GNG4: variants seen among roughly 807,000 people sequenced by gnomAD.
GNG4 encodes the protein G protein subunit gamma 4.
GNG4 carries 4 observed loss-of-function variants against 5.8 expected under a neutral mutation model. The ratio of observed to expected loss-of-function variants is 0.69; its 90% CI spans 0.34 to 1.57. The LOEUF is 1.57. Among genes scored for constraint, GNG4 ranks in the 40% most tolerant of loss-of-function variants. GNG4 has a pLI of 0.06. For synonymous variants in GNG4, 29 were observed against 32.9 expected, an observed-to-expected ratio of 0.88 and a Z score of 0.41; for missense variants, 96 against 95.1, an observed-to-expected ratio of 1.01 and a Z score of -0.04.
At chr1:235,568,700 G>A (rs1687263578) in intron 3 of GNG4, among the ~76,000 whole-genome samples, 1 of 152,118 alleles carries the variant, frequency 6.6e-6, no homozygotes, top group Admixed American at 6.6e-5. Context: ...CTTTGTGGGT[G>A]AGGCACTGTA....
intron 1 of GNG4, among the ~76,000 whole-genome samples, chr1:235,603,261 TTAA>T (rs150938328): frequency 0.25 from 37,128 of 147,466 alleles, 5,074 homozygotes; most frequent in South Asian, 0.32. Flanking sequence ...ATAATAATAA[TTAA>T]TAATAATAAT....
At chr1:235,555,698 T>G (rs1572607365) in intron 3 of GNG4, among the ~76,000 whole-genome samples, 1 of 134,560 alleles carries the variant, frequency 7.4e-6, no homozygotes, top group African/African-American at 2.8e-5. Flanking sequence ...AAAAAAAAAG[T>G]AGAATTCCTT....
rs1318247249 is a variant in GNG4, at chr1:235,571,490, G to A, written c.99+12250C>T. Among the ~76,000 whole-genome samples the A allele has an allele frequency of 3.3e-5, 5 of 152,300 alleles. No homozygotes were observed. In the East Asian group the frequency reaches 5.8e-4, roughly 18 times the overall value. Reference sequence around the variant, plus strand: ...ATTAAGCACTCAGTAAATGTTGGCCGCTATTATTATCATCTGTTACATTTG... The same window carrying A: ...ATTAAGCACTCAGTAAATGTTGGCCACTATTATTATCATCTGTTACATTTG... On this transcript the variant is annotated intron_variant, in intron 3 of 3. Coordinates refer to ENST00000391854, the MANE Select transcript of GNG4 (RefSeq NM_001098722.2).
intron 1 of GNG4, among the ~76,000 whole-genome samples, chr1:235,647,647 T>A (rs1288760285): frequency 6.6e-6 from 1 of 152,174 alleles, no homozygotes; most frequent in East Asian, 1.9e-4. Flanking sequence ...TCAGGGTCCA[T>A]GTTCCCACCT....
At chr1:235,637,147 G>A (rs1657123959) in intron 1 of GNG4, among the ~76,000 whole-genome samples, 1 of 151,946 alleles carries the variant, frequency 6.6e-6, no homozygotes, top group Non-Finnish European at 1.5e-5. Flanking sequence ...ACTGAAAAAT[G>A]CTAATCAAAT....
At chr1:235,593,251 C>T (rs1225726604) in intron 2 of GNG4, among the ~76,000 whole-genome samples, 1 of 152,174 alleles carries the variant, frequency 6.6e-6, no homozygotes, top group Non-Finnish European at 1.5e-5. Flanking sequence ...TCCGACCATG[C>T]TCTGTAAAAT....
chr1:235,625,447 G>T lies in GNG4; in HGVS notation c.-123+24215C>A, dbSNP rs116071553. ...CACTGACACATCAATATCACCTAAAGTCCATAGTTTACAATAGGGCTCACT... is the reference window on the plus strand; with the variant it reads ...CACTGACACATCAATATCACCTAAATTCCATAGTTTACAATAGGGCTCACT... On this transcript the variant is annotated intron_variant, in intron 1 of 3. Transcript: ENST00000391854. Among the ~76,000 whole-genome samples the T allele has an allele frequency of 9.7e-3, 1,470 of 152,218 alleles. 34 individuals are homozygous for T. The highest frequency in any genetic ancestry group is 0.033 in the African/African-American group (1,378 of 41,542).
Position 235,583,855 on chromosome 1 carries a change from G to A in GNG4, c.-10-7C>T, listed in dbSNP as rs1687702241. 6.4e-7 allele frequency: 1 copy of A among 1,554,536 alleles called. No homozygotes were observed. Among genetic ancestry groups the A allele is most frequent in the Non-Finnish European group, 8.9e-7 (1 of 1,126,510 alleles). ...CTCTTTCATTCTACTGCCCCTAGAAGTAACCAAAGTAAAAGGGTTAGAAGA... is the reference window on the plus strand; with the variant it reads ...CTCTTTCATTCTACTGCCCCTAGAAATAACCAAAGTAAAAGGGTTAGAAGA... On this transcript the variant is annotated splice_region_variant and splice_polypyrimidine_tract_variant and intron_variant, in intron 2 of 3. Transcript: ENST00000391854.
intron 3 of GNG4, among the ~76,000 whole-genome samples, chr1:235,567,231 G>A (rs1321499028): frequency 6.6e-6 from 1 of 151,832 alleles, no homozygotes; most frequent in African/African-American, 2.4e-5. Flanking sequence ...ACTGCACCCG[G>A]CATAAAAAAA....
chr1:235,568,834 TTC>T (rs1329419971), intron 3 of GNG4, among the ~76,000 whole-genome samples: 6 of 151,928 alleles, frequency 3.9e-5, no homozygotes, highest in African/African-American at 1.5e-4. Context: ...TTCTTTTCTT[TTC>T]TCTTTTTTGA....
intron 3 of GNG4, among the ~76,000 whole-genome samples, chr1:235,556,756 T>C (rs1385963825): frequency 2.0e-5 from 3 of 151,898 alleles, no homozygotes; most frequent in African/African-American, 7.3e-5. Context: ...TATTATTACA[T>C]TGTAATACAT....
chr1:235,600,090 C>T (rs199621960), intron 1 of GNG4, among the ~76,000 whole-genome samples: 69 of 92,556 alleles, frequency 7.5e-4, no homozygotes, highest in African/African-American at 2.7e-3. Context: ...TATCTGGTTG[C>T]GGAAGAAAGC....
chr1:235,613,732 C>G (rs907921783), intron 1 of GNG4, among the ~76,000 whole-genome samples: 2 of 152,204 alleles, frequency 1.3e-5, no homozygotes, highest in East Asian at 3.8e-4. Context: ...ACCTCTAGAA[C>G]TGTAATATAA....
intron 1 of GNG4, among the ~76,000 whole-genome samples, chr1:235,643,405 T>G (rs866713016): frequency 1.9e-4 from 29 of 152,242 alleles, no homozygotes; most frequent in African/African-American, 6.5e-4. Context: ...GAACTAACAC[T>G]CTCCCTGTCT....
rs1016678042 is a variant in GNG4, at chr1:235,548,673, T to C, written c.*3436A>G. 5.3e-5 allele frequency: 8 copies of C among 152,284 alleles called. No individual in the cohort carries two copies. In the South Asian group the frequency reaches 1.7e-3, roughly 32 times the overall value. The allele number at this position is 152,284 out of a possible 1,614,324, so 9.4% of individuals were successfully genotyped here. On this transcript the variant is annotated 3_prime_UTR_variant, in exon 4 of 4. Transcript: ENST00000391854. ...TCCCTTCTTCAGCTTCCACGGTGGG[T>C]ACTGCACACCACTAAGTTTATATCT... is the stretch of plus-strand genomic sequence containing the variant.
At chr1:235,607,694 C>T (rs1019019319) in intron 1 of GNG4, among the ~76,000 whole-genome samples, 7 of 152,176 alleles carry the variant, frequency 4.6e-5, no homozygotes, top group East Asian at 3.9e-4. Flanking sequence ...GCCATCCCAT[C>T]GGCACGGCTT....
intron 3 of GNG4, among the ~76,000 whole-genome samples, chr1:235,572,835 C>T (rs534870467): frequency 1.3e-5 from 2 of 152,222 alleles, no homozygotes; most frequent in Non-Finnish European, 1.5e-5. Context: ...ATGGGACCAC[C>T]GTCATATATG....
intron 1 of GNG4, among the ~76,000 whole-genome samples, chr1:235,614,049 G>C (rs1174880427): frequency 1.3e-5 from 2 of 152,204 alleles, no homozygotes; most frequent in Non-Finnish European, 2.9e-5. Flanking sequence ...CTGAGCTCAA[G>C]TGATCTGCCT....
intron 3 of GNG4, among the ~76,000 whole-genome samples, chr1:235,581,972 G>T (rs1429795180): frequency 6.6e-6 from 1 of 152,220 alleles, no homozygotes; most frequent in African/African-American, 2.4e-5. Context: ...AAGGAGAACT[G>T]CCTTATAGCC....
Sources: allele counts gnomAD v4.1 joint callset (sites outside exome capture counted in the v4.1 genomes callset), GRCh38; gene constraint gnomAD v4.1.1; transcripts MANE v1.5; gene names NCBI Gene and HGNC (gene_info 2026-07-23, HGNC 2026-07-21).